The following SOD2 variants were observed in gnomAD, a reference collection of about 807,000 sequenced individuals.
The protein encoded by SOD2 is superoxide dismutase 2.
SOD2 carries 11 observed loss-of-function variants against 27.0 expected under a neutral mutation model. That is an observed-to-expected ratio of 0.41 (90% CI 0.26 to 0.67). SOD2 has a LOEUF of 0.67. Ranked by LOEUF, SOD2 falls within the 30% of genes least tolerant of loss-of-function variation. The pLI is 0.34. For missense variants in SOD2, 250 were observed against 274.5 expected (o/e 0.91, Z 0.63); for synonymous variants, 105 against 103.0 (o/e 1.02, Z -0.12).
chr6:159,710,260 A>T (rs537243010), intron 1 of SOD2, among the ~76,000 whole-genome samples: 1 of 108,880 alleles, frequency 9.2e-6, no homozygotes, highest in Non-Finnish European at 1.9e-5. Context: ...TAGAACTTAA[A>T]GTATAAATAC....
At chr6:159,692,396 T>C (rs558269718) in intron 2 of SOD2, 1 of 1,370,564 alleles carries the variant, frequency 7.3e-7, no homozygotes, top group South Asian at 1.9e-5. Flanking sequence ...TGTAACGGAA[T>C]GTGGCTCACA....
chr6:159,680,353 T>C lies in SOD2; in HGVS notation c.*2140A>G, dbSNP rs1456146041. 2 of 152,114 alleles carry C rather than the reference T, an allele frequency of 1.3e-5. No individual in the cohort carries two copies. The highest frequency in any genetic ancestry group is 2.9e-5 in the Non-Finnish European group (2 of 68,036). The allele number at this position is 152,114 out of a possible 1,614,324, so 9.4% of individuals were successfully genotyped here. A position where few individuals can be genotyped will look rare whatever the true frequency, so the allele number is the denominator to read the frequency against. ...CTGTTTCACTGTGACACATATATAA[T>C]GAAAAGTAATCAGTCTCCAAAGTTT... On this transcript the variant is annotated 3_prime_UTR_variant, in exon 5 of 5. Coordinates refer to ENST00000538183, the MANE Select transcript of SOD2 (RefSeq NM_000636.4).
chr6:159,758,886 C>T (rs1473270117), intron 1 of SOD2, among the ~76,000 whole-genome samples: 1 of 152,050 alleles, frequency 6.6e-6, no homozygotes, highest in Non-Finnish European at 1.5e-5. Flanking sequence ...TTGCATCTTC[C>T]AGCGGGGGAA....
intron 1 of SOD2, among the ~76,000 whole-genome samples, chr6:159,705,946 G>C (rs1475612096): frequency 6.6e-6 from 1 of 152,174 alleles, no homozygotes; most frequent in Non-Finnish European, 1.5e-5. Context: ...AGCCAGAAGA[G>C]AGTGGGGGCC....
intron 1 of SOD2, among the ~76,000 whole-genome samples, chr6:159,704,652 T>G (rs1298587225): frequency 6.6e-6 from 1 of 152,200 alleles, no homozygotes; most frequent in East Asian, 1.9e-4. Flanking sequence ...TGGAGCCCAC[T>G]GCAGCTCAAG....
chr6:159,727,398 C>T, upstream of SOD2: 1 of 1,079,802 alleles, frequency 9.3e-7, no homozygotes, highest in Non-Finnish European at 1.2e-6. Context: ...AGGCGGGAGG[C>T]GGGAGGCAGT....
chr6:159,708,314 A>G (rs2114816614), intron 1 of SOD2, among the ~76,000 whole-genome samples: 1 of 152,364 alleles, frequency 6.6e-6, no homozygotes, highest in East Asian at 1.9e-4. Context: ...AATTAGGAAA[A>G]GAGGAAGTCA....
At chr6:159,698,429 A>C (rs1777465733) in intron 1 of SOD2, among the ~76,000 whole-genome samples, 1 of 151,834 alleles carries the variant, frequency 6.6e-6, no homozygotes, top group Admixed American at 6.6e-5. Context: ...AAAATTAGCC[A>C]GGCATGGTGG....
chr6:159,753,654 T>C, intron 1 of SOD2: 1 of 1,566,146 alleles, frequency 6.4e-7, no homozygotes, highest in Non-Finnish European at 8.6e-7. Context: ...GTCTCAACTT[T>C]GCATTGGCTT....
At chr6:159,729,795 G>T (rs148186301), upstream of SOD2, among the ~76,000 whole-genome samples, 1 of 152,194 alleles carries the variant, frequency 6.6e-6, no homozygotes, top group East Asian at 2.0e-4. Context: ...ATTCAGCTAT[G>T]ATTTGTTCGC....
intron 3 of SOD2, among the ~76,000 whole-genome samples, chr6:159,685,942 T>G (rs192585625): frequency 5.0e-4 from 76 of 152,324 alleles, no homozygotes; most frequent in African/African-American, 1.8e-3. Context: ...TTTCCCTGAA[T>G]AGAAAATTTT....
chr6:159,676,898 C>T lies in SOD2; in HGVS notation c.*5595G>A, dbSNP rs1017999517. On this transcript the variant is annotated 3_prime_UTR_variant, in exon 5 of 5. Transcript: ENST00000538183. Reference sequence around the variant, plus strand: ...AGACCAGGACCCAGGTCTTCCAGTACCTAATTCAATGTTCTTTCCATGCCC... The same window carrying T: ...AGACCAGGACCCAGGTCTTCCAGTATCTAATTCAATGTTCTTTCCATGCCC... 1.3e-5 allele frequency: 2 copies of T among 152,058 alleles called. No homozygotes were observed. Among genetic ancestry groups the T allele is most frequent in the African/African-American group, 2.4e-5 (1 of 41,384 alleles). The allele number at this position is 152,058 out of a possible 1,614,324, so 9.4% of individuals were successfully genotyped here.
In SOD2 at chr6:159,679,294, T is replaced by C. The variant is rs2114754708; in HGVS notation, c.*3199A>G. On this transcript the variant is annotated 3_prime_UTR_variant, in exon 5 of 5. Transcript: ENST00000538183. ...CATTATCTTGCTGGGATCATTAGGG[T>C]ATGACTGAAAGTGAGAAACAGTAAT... 1 of 152,322 alleles carries C rather than the reference T, an allele frequency of 6.6e-6. No homozygotes were observed. The highest frequency in any genetic ancestry group is 2.1e-4 in the South Asian group (1 of 4,826). 9.4% of individuals were successfully genotyped at this position (152,322 alleles called of 1,614,324 possible).
chr6:159,687,434 G>A (rs1005796324), intron 3 of SOD2, among the ~76,000 whole-genome samples: 5 of 151,432 alleles, frequency 3.3e-5, no homozygotes, highest in Non-Finnish European at 4.4e-5. Flanking sequence ...GCAATGAGCC[G>A]ACATTGCACC....
Position 159,676,768 on chromosome 6 carries a change from A to G in SOD2, c.*5725T>C, listed in dbSNP as rs1779790224. ...ATTTAAAAATAAATAAGTAAAAAATAAAATGCCAGAGTTGGCACCTTAAGA... is the reference window on the plus strand; with the variant it reads ...ATTTAAAAATAAATAAGTAAAAAATGAAATGCCAGAGTTGGCACCTTAAGA... On this transcript the variant is annotated 3_prime_UTR_variant, in exon 5 of 5. Coordinates refer to ENST00000538183, the MANE Select transcript of SOD2 (RefSeq NM_000636.4). 6.6e-6 allele frequency: 1 copy of G among 152,166 alleles called. No homozygotes were observed. The highest frequency in any genetic ancestry group is 1.5e-5 in the Non-Finnish European group (1 of 68,028). The allele number at this position is 152,166 out of a possible 1,614,324, so 9.4% of individuals were successfully genotyped here. A position where few individuals can be genotyped will look rare whatever the true frequency, so the allele number is the denominator to read the frequency against.
chr6:159,692,494 G>A (rs1443561197), intron 2 of SOD2, 167 bp downstream of exon 2: 2 of 1,452,716 alleles, frequency 1.4e-6, no homozygotes, highest in Middle Eastern at 1.8e-4. Flanking sequence ...CTTCTACAAT[G>A]AGGTAGACCA....
chr6:159,758,803 T>C (rs1780066105), intron 1 of SOD2, among the ~76,000 whole-genome samples: 1 of 152,142 alleles, frequency 6.6e-6, no homozygotes. Context: ...GCATGGTAGG[T>C]TGGTGAATCC....
In SOD2 at chr6:159,677,723, G is replaced by A. The variant is rs919190775; in HGVS notation, c.*4770C>T. 4 of 152,228 alleles carry A rather than the reference G, an allele frequency of 2.6e-5. No individual in the cohort carries two copies. Among genetic ancestry groups the A allele is most frequent in the Middle Eastern group, 3.2e-3 (1 of 316 alleles). The allele number at this position is 152,228 out of a possible 1,614,324, so 9.4% of individuals were successfully genotyped here. A position where few individuals can be genotyped will look rare whatever the true frequency, so the allele number is the denominator to read the frequency against. ...TACAGCTGCAAACTCCTGGGCCTGT[G>A]ATCCTCCTGCCTTAGCTTCTTAGTA... On this transcript the variant is annotated 3_prime_UTR_variant, in exon 5 of 5. Coordinates refer to ENST00000538183, the MANE Select transcript of SOD2 (RefSeq NM_000636.4).
chr6:159,672,244 C>T lies in SOD2; in HGVS notation c.*10249G>A, dbSNP rs1779682848. 1 of 152,066 alleles carries T rather than the reference C, an allele frequency of 6.6e-6. No individual in the cohort carries two copies. Among genetic ancestry groups the T allele is most frequent in the South Asian group, 2.1e-4 (1 of 4,820 alleles). 9.4% of individuals were successfully genotyped at this position (152,066 alleles called of 1,614,324 possible). The stretch of plus-strand genomic sequence containing the variant: ...TCAAATTCAGGAAATACAGAGAACG[C>T]CACAAAGATACTCCTCGAGAAGAGC... On this transcript the variant is annotated 3_prime_UTR_variant, in exon 5 of 5. Coordinates refer to ENST00000538183, the MANE Select transcript of SOD2 (RefSeq NM_000636.4).
Sources: allele counts gnomAD v4.1 joint callset (sites outside exome capture counted in the v4.1 genomes callset), GRCh38; gene constraint gnomAD v4.1.1; transcripts MANE v1.5; gene names NCBI Gene and HGNC (gene_info 2026-07-23, HGNC 2026-07-21).